CNTLN: variants seen among roughly 807,000 people sequenced by gnomAD.
The protein encoded by CNTLN is centlein, centrosomal protein.
Under a neutral mutation model 180.0 loss-of-function variants are expected in CNTLN, and 212 were observed. The ratio of observed to expected loss-of-function variants is 1.18; its 90% confidence interval spans 1.05 to 1.32. The LOEUF (loss-of-function observed/expected upper bound fraction) is 1.32, where lower values mean the gene tolerates loss of function less well. Ranked by LOEUF, CNTLN falls within the 40% of genes most tolerant of loss-of-function variation. CNTLN has a pLI of 0.00. For synonymous variants in CNTLN, 722 were observed against 563.1 expected, an observed-to-expected ratio of 1.28 and a Z score of -3.99; for missense variants, 2,095 against 1,610.9, an observed-to-expected ratio of 1.30 and a Z score of -5.14.
At position 17,142,882 on chromosome 9, in the gene CNTLN, T is replaced by A. The variant is rs117924923; in HGVS notation, c.361-406T>A. Among the ~76,000 whole-genome samples the A allele has an allele frequency of 3.6e-3, 552 of 152,274 alleles. 2 individuals carry two copies. The highest frequency in any genetic ancestry group is 6.1e-3 in the Non-Finnish European group (412 of 68,018). On this transcript the variant is annotated intron_variant, in intron 1 of 25. Transcript: ENST00000380647. ...ACCTTGAATAATGATTTTAGCATAA[T>A]GGTGGTTAGGAAAATCTTACTAGGA...
At chr9:17,277,895 C>G (rs1246182627) in intron 6 of CNTLN, among the ~76,000 whole-genome samples, 1 of 152,064 alleles carries the variant, frequency 6.6e-6, no homozygotes, top group African/African-American at 2.4e-5. Context: ...TTGGAAGACT[C>G]ACTATCATAA....
chr9:17,328,094 C>A (rs936121943), intron 8 of CNTLN, among the ~76,000 whole-genome samples: 1 of 152,042 alleles, frequency 6.6e-6, no homozygotes, highest in South Asian at 2.1e-4. Context: ...TGTTTTTGTA[C>A]CTTATGCATG....
At chr9:17,468,904 A>G (rs1475134978) in intron 23 of CNTLN, among the ~76,000 whole-genome samples, 2 of 151,740 alleles carry the variant, frequency 1.3e-5, no homozygotes, top group African/African-American at 4.8e-5. Context: ...AGATGTCTTA[A>G]TAGATGAATT....
chr9:17,464,152 C>G (rs1394836735), intron 20 of CNTLN, among the ~76,000 whole-genome samples: 2 of 151,040 alleles, frequency 1.3e-5, no homozygotes, highest in South Asian at 2.1e-4. Context: ...TTTTGATTAT[C>G]TTCATATATC....
At chr9:17,329,403 T>C (rs1820501444) in intron 8 of CNTLN, among the ~76,000 whole-genome samples, 1 of 152,040 alleles carries the variant, frequency 6.6e-6, no homozygotes, top group Admixed American at 6.6e-5. Flanking sequence ...TCATTTAGAC[T>C]TCCTGGAAGA....
intron 18 of CNTLN, among the ~76,000 whole-genome samples, chr9:17,442,453 C>T (rs1298158390): frequency 6.6e-6 from 1 of 152,194 alleles, no homozygotes; most frequent in Admixed American, 6.5e-5. Flanking sequence ...GGCTGGAGTG[C>T]AGTGGCATGA....
intron 19 of CNTLN, among the ~76,000 whole-genome samples, chr9:17,458,130 T>C (rs1352650115): frequency 6.6e-6 from 1 of 151,284 alleles, no homozygotes; most frequent in Non-Finnish European, 1.5e-5. Flanking sequence ...CTGCTTCTTC[T>C]CCCTCCCATT....
At chr9:17,218,682 A>T (rs1823927587) in intron 2 of CNTLN, among the ~76,000 whole-genome samples, 1 of 152,164 alleles carries the variant, frequency 6.6e-6, no homozygotes, top group African/African-American at 2.4e-5. Flanking sequence ...AGAAAACGTT[A>T]GTCCAATAAA....
intron 5 of CNTLN, among the ~76,000 whole-genome samples, chr9:17,270,373 C>T (rs1480854325): frequency 6.6e-6 from 1 of 152,064 alleles, no homozygotes; most frequent in African/African-American, 2.4e-5. Flanking sequence ...TTGGCATCTT[C>T]ATATTTTTTT....
At chr9:17,468,712 C>T (rs1023198639) in intron 23 of CNTLN, among the ~76,000 whole-genome samples, 1 of 151,538 alleles carries the variant, frequency 6.6e-6, no homozygotes, top group Admixed American at 6.6e-5. Flanking sequence ...TTCATGACTT[C>T]CATGATAAGG....
In CNTLN at chr9:17,332,652, C is replaced by T. The variant is rs532572835; in HGVS notation, c.1566C>T (p.Phe522=). 6.2e-7 allele frequency: 1 copy of T among 1,608,346 alleles called. No individual in the cohort carries two copies. The highest frequency in any genetic ancestry group is 2.2e-5 in the East Asian group (1 of 44,628). ...RSRSLSPKSS[F]TDSEELQKLR... is the part of the protein sequence containing the mutation. ...GGTCTTTGTCCCCAAAGAGCTCTTT[C>T]ACAGACTCAGAAGAGCTACAGAAGC... Residue 522 remains phenylalanine (F), a synonymous_variant, in exon 10 of 26, where the codon TTC becomes TTT. Coordinates refer to ENST00000380647, the MANE Select transcript of CNTLN (RefSeq NM_017738.4).
At chr9:17,347,338 G>A (rs978732884) in intron 12 of CNTLN, among the ~76,000 whole-genome samples, 7 of 152,198 alleles carry the variant, frequency 4.6e-5, no homozygotes, top group Non-Finnish European at 8.8e-5. Context: ...CTTGGGTTAT[G>A]TCCGGATAAA....
intron 15 of CNTLN, among the ~76,000 whole-genome samples, chr9:17,396,705 G>C (rs1390338423): frequency 6.6e-6 from 1 of 152,122 alleles, no homozygotes; most frequent in East Asian, 1.9e-4. Flanking sequence ...TCACACCCCA[G>C]ACAAATTAAA....
At chr9:17,276,405 C>T in intron 6 of CNTLN, among the ~76,000 whole-genome samples, 1 of 151,962 alleles carries the variant, frequency 6.6e-6, no homozygotes, top group Non-Finnish European at 1.5e-5. Context: ...ACATATGAAG[C>T]CATAATTGTG....
At chr9:17,301,380 GT>G in intron 7 of CNTLN, 1 of 985,314 alleles carries the variant, frequency 1.0e-6, no homozygotes, top group South Asian at 4.7e-5. Flanking sequence ...GGGTTATGTT[GT>G]GTTTGTGAAT....
intron 2 of CNTLN, among the ~76,000 whole-genome samples, chr9:17,203,760 C>T (rs948571841): frequency 7.2e-5 from 11 of 152,208 alleles, no homozygotes; most frequent in South Asian, 2.1e-4. Flanking sequence ...GGTTTCACCA[C>T]GTTAGCCAGG....
intron 18 of CNTLN, among the ~76,000 whole-genome samples, chr9:17,453,261 T>C (rs1018487852): frequency 1.1e-4 from 17 of 152,030 alleles, no homozygotes; most frequent in Non-Finnish European, 1.2e-4. Flanking sequence ...TGTAATGGGC[T>C]ATGATTGAGC....
At chr9:17,244,095 C>G (rs970632627) in intron 5 of CNTLN, among the ~76,000 whole-genome samples, 1 of 151,810 alleles carries the variant, frequency 6.6e-6, no homozygotes, top group Non-Finnish European at 1.5e-5. Context: ...GTCTTGAAAT[C>G]TATTTTGTCT....
chr9:17,391,759 T>A (rs1337831092), intron 14 of CNTLN, among the ~76,000 whole-genome samples: 1 of 152,180 alleles, frequency 6.6e-6, no homozygotes, highest in East Asian at 1.9e-4. Context: ...ATTAGGTAGA[T>A]GTTAAGGTGA....
Sources: gnomAD v4.1 joint callset for allele counts (sites outside exome capture counted in the v4.1 genomes callset) on GRCh38, gnomAD v4.1.1 for gene constraint, MANE v1.5 for transcripts, NCBI Gene and HGNC (gene_info 2026-07-23, HGNC 2026-07-21) for gene names.